The following TMEM150A variants were observed in gnomAD, a reference collection of about 807,000 sequenced individuals.
TMEM150A encodes the protein fasting-inducible integral membrane protein TM6P1.
In TMEM150A, 18 loss-of-function variants were observed where a neutral mutation model predicts 29.8. The observed-to-expected ratio is 0.60, with a 90% CI of 0.42 to 0.90. TMEM150A has a LOEUF of 0.90. Among genes scored for constraint, TMEM150A ranks in the 40% least tolerant of loss-of-function variants. TMEM150A has a pLI of 0.00. For missense variants in TMEM150A, 251 were observed against 349.7 expected (o/e 0.72, Z 2.25); for synonymous variants, 127 against 143.6 (o/e 0.88, Z 0.83).
chr2:85,600,040 G>A (rs747122251), intron 5 of TMEM150A, 22 bp from the exon 6 acceptor site: 3 of 1,610,312 alleles, frequency 1.9e-6, no homozygotes, highest in Non-Finnish European at 2.5e-6. Context: ...GAGCACAGTT[G>A]AGGCCTTCCT....
At position 85,602,062 on chromosome 2, in the gene TMEM150A, G is replaced by A; in HGVS notation, c.-114C>T. The A allele has an allele frequency of 1.1e-6, 1 of 946,318 alleles. No homozygotes were observed. Among genetic ancestry groups the A allele is most frequent in the Non-Finnish European group, 1.7e-6 (1 of 586,880 alleles). The allele number at this position is 946,318 out of a possible 1,614,324, so 58.6% of individuals were successfully genotyped here. ...TTCTGCCACAACCATCAGCTGTCCT[G>A]GCCTGGTGGAGAGAGATCAAAGTCC... On this transcript the variant is annotated splice_region_variant and 5_prime_UTR_variant, in exon 2 of 8. Transcript: ENST00000334462. This position sits in a 1 kb window ranked among gnomAD's most constrained non-coding sequence, Gnocchi z 5.6.
At position 85,601,803 on chromosome 2, in the gene TMEM150A, C is replaced by T; in HGVS notation, c.65+81G>A. 1 of 1,514,070 alleles carries T rather than the reference C, an allele frequency of 6.6e-7. No individual in the cohort carries two copies. The allele number at this position is 1,514,070 out of a possible 1,614,324, so 93.8% of individuals were successfully genotyped here. The stretch of plus-strand genomic sequence containing the variant: ...GAGACACCCAGAGTGACCCTGGGTA[C>T]CACCGTGGCTATGACAGGACAAGAG... On this transcript the variant is annotated intron_variant, in intron 2 of 7. Coordinates refer to ENST00000334462, the MANE Select transcript of TMEM150A (RefSeq NM_001031738.3). This position sits in a 1 kb window ranked among gnomAD's most constrained non-coding sequence, Gnocchi z 4.0.
Position 85,599,905 on chromosome 2 carries a change from C to A in TMEM150A, c.382G>T (p.Val128Phe), listed in dbSNP as rs758454559. 7.4e-6 allele frequency: 12 copies of A among 1,613,336 alleles called. No individual in the cohort carries two copies. Among genetic ancestry groups the A allele is most frequent in the African/African-American group, 2.7e-5 (2 of 74,918 alleles). ...GCTNAAGLLV[V>F]GNFQVDHARS... ...AGGGGAAGCACCTGAAAGTTGCCAACCACCAAGAGGCCCGCAGCGTTGGTG... is the reference window on the plus strand; with the variant it reads ...AGGGGAAGCACCTGAAAGTTGCCAAACACCAAGAGGCCCGCAGCGTTGGTG... The change falls in exon 6 of 8, where the codon GTT becomes TTT. Residue 128 changes from valine (V) to phenylalanine (F), a missense_variant. Physicochemically the swap from Val to Phe is conservative, Grantham distance 50. Transcript: ENST00000334462. This position sits in a 1 kb window ranked among gnomAD's most constrained non-coding sequence, Gnocchi z 6.0.
rs1188940411 is a variant in TMEM150A at position 85,601,788 on chromosome 2, G to C, written c.65+96C>G. 1 of 1,432,714 alleles carries C rather than the reference G, an allele frequency of 7.0e-7. No homozygotes were observed. The highest frequency in any genetic ancestry group is 1.4e-5 in the African/African-American group (1 of 71,314). The allele number at this position is 1,432,714 out of a possible 1,614,324, so 88.8% of individuals were successfully genotyped here. ...CCAAGTCAGGCTTTTGAGACACCCA[G>C]AGTGACCCTGGGTACCACCGTGGCT... is the stretch of plus-strand genomic sequence containing the variant. On this transcript the variant is annotated intron_variant, in intron 2 of 7. Transcript: ENST00000334462. The surrounding 1 kb of genome is among the most constrained non-coding windows in gnomAD (Gnocchi z 4.0).
chr2:85,602,398 G>A lies in TMEM150A; in HGVS notation c.-117+209C>T. On this transcript the variant is annotated intron_variant, in intron 1 of 7. Transcript: ENST00000334462. The surrounding 1 kb of genome is among the most constrained non-coding windows in gnomAD (Gnocchi z 5.6). ...CCCAGTGGAGCGGTGGCGAGTCGGC[G>A]GCGCGCAGGCAACCACCTGACCATC... 1 of 153,000 alleles carries A rather than the reference G, an allele frequency of 6.5e-6. No homozygotes were observed. Among genetic ancestry groups the A allele is most frequent in the Non-Finnish European group, 1.5e-5 (1 of 68,460 alleles). The allele number at this position is 153,000 out of a possible 1,614,324, so 9.5% of individuals were successfully genotyped here.
chr2:85,601,211 A>G lies in TMEM150A; in HGVS notation c.114-104T>C, dbSNP rs545332653. On this transcript the variant is annotated intron_variant, in intron 3 of 7. Coordinates refer to ENST00000334462, the MANE Select transcript of TMEM150A (RefSeq NM_001031738.3). This position sits in a 1 kb window ranked among gnomAD's most constrained non-coding sequence, Gnocchi z 4.0. ...GGACTCTCTCCCAGACCTCCCCTAC[A>G]GGGACAGAAGATCCCACTCCCCAGT... The G allele has an allele frequency of 5.4e-6, 7 of 1,297,722 alleles. No homozygotes were observed. The African/African-American group carries it at 1.0e-4, about 19-fold the overall frequency. The allele number at this position is 1,297,722 out of a possible 1,614,324, so 80.4% of individuals were successfully genotyped here. A position where few individuals can be genotyped will look rare whatever the true frequency, so the allele number is the denominator to read the frequency against.
chr2:85,599,765 A>G lies in TMEM150A; in HGVS notation c.397-63T>C. On this transcript the variant is annotated intron_variant, in intron 6 of 7. Transcript: ENST00000334462. This position sits in a 1 kb window ranked among gnomAD's most constrained non-coding sequence, Gnocchi z 6.0. ...GGCCCCACCTCTCCACCCCTCCTTC[A>G]ATGAATCTCCTCTCTCCCTCTTCCT... 6.3e-7 allele frequency: 1 copy of G among 1,591,622 alleles called. No individual in the cohort carries two copies.
In TMEM150A at chr2:85,599,732, G is replaced by A. The variant is rs180709903; in HGVS notation, c.397-30C>T. On this transcript the variant is annotated intron_variant, in intron 6 of 7. Coordinates refer to ENST00000334462, the MANE Select transcript of TMEM150A (RefSeq NM_001031738.3). This position sits in a 1 kb window ranked among gnomAD's most constrained non-coding sequence, Gnocchi z 6.0. Reference sequence around the variant, plus strand: ...GCCCAGAGAAGGGCCAGTTGGTGATGTGGCCATGGCCCCACCTCTCCACCC... The same window carrying A: ...GCCCAGAGAAGGGCCAGTTGGTGATATGGCCATGGCCCCACCTCTCCACCC... The A allele has an allele frequency of 1.7e-5, 28 of 1,605,490 alleles. No individual in the cohort carries two copies. The East Asian group carries it at 4.9e-4, about 28-fold the overall frequency.
chr2:85,601,250 A>G lies in TMEM150A; in HGVS notation c.114-143T>C. On this transcript the variant is annotated intron_variant, in intron 3 of 7. Coordinates refer to ENST00000334462, the MANE Select transcript of TMEM150A (RefSeq NM_001031738.3). This position sits in a 1 kb window ranked among gnomAD's most constrained non-coding sequence, Gnocchi z 4.0. ...CCACTCCCCAGTGCCCGCCTGAAGC[A>G]GTAACCAAAGGGGCAAAGGGATAGT... The G allele has an allele frequency of 1.7e-6, 2 of 1,174,364 alleles. No individual in the cohort carries two copies. The highest frequency in any genetic ancestry group is 1.9e-5 in the Admixed American group (1 of 53,954). The allele number at this position is 1,174,364 out of a possible 1,614,324, so 72.7% of individuals were successfully genotyped here.
In TMEM150A at chr2:85,601,910, CGCTGACAG is replaced by C; in HGVS notation, c.31_38del (p.Leu11ValfsTer34). The C allele has an allele frequency of 8.1e-6, 13 of 1,613,980 alleles. No individual in the cohort carries two copies. Among genetic ancestry groups the C allele is most frequent in the African/African-American group, 1.3e-5 (1 of 75,028 alleles). On this transcript the variant is annotated frameshift_variant, in exon 2 of 8. Transcript: ENST00000334462. LOFTEE classifies it high-confidence loss of function. The surrounding 1 kb of genome is among the most constrained non-coding windows in gnomAD (Gnocchi z 4.0). ...CAGTCCATATGCCAGTGATGGAGAA[CGCTGACAG>C]GCTGACAGGCAGGAGGATCCAGGCG...
rs754160073 is a variant in TMEM150A, at chr2:85,600,399, A to G, written c.214T>C (p.Tyr72His). The G allele has an allele frequency of 6.2e-7, 1 of 1,613,948 alleles. No individual in the cohort carries two copies. Among genetic ancestry groups the G allele is most frequent in the Admixed American group, 1.7e-5 (1 of 60,028 alleles). Residue 72 changes from tyrosine (Y) to histidine (H), a missense_variant, in exon 5 of 8, where the codon TAT becomes CAT. Physicochemically the swap from Tyr to His is moderately conservative, Grantham distance 83. Transcript: ENST00000334462. ...CTGAAGAGGCAGCTTTCTGGGGGAT[A>G]GGAGCCACACTTGCTGCGAGGAGGG... ...DVPLISKCGSYPPESCLFSLI... is the reference protein window; with the variant it reads ...DVPLISKCGSHPPESCLFSLI...
At chr2:85,600,169 T>C in intron 5 of TMEM150A, 151 bp from the exon 6 acceptor site, 1 of 1,327,638 alleles carries the variant, frequency 7.5e-7, no homozygotes, top group South Asian at 1.4e-5. Context: ...TTCCTCAGGC[T>C]CCAGCCAGCA....
chr2:85,600,353 G>A lies in TMEM150A; in HGVS notation c.260C>T (p.Ala87Val), dbSNP rs1451305240. The change falls in exon 5 of 8, where the codon GCT becomes GTT. Residue 87 changes from alanine to valine, a missense_variant. Transcript: ENST00000334462. ...CTAAGGGTACAACTCACCCATGAAA[G>A]CACCCATGTTGCCAATGAGGCTGAA... ...CLFSLIGNMGAFMVALICLLR... is the reference protein window; with the variant it reads ...CLFSLIGNMGVFMVALICLLR... The A allele has an allele frequency of 6.2e-7, 1 of 1,613,978 alleles. No homozygotes were observed. The highest frequency in any genetic ancestry group is 8.5e-7 in the Non-Finnish European group (1 of 1,179,972).
At position 85,601,710 on chromosome 2, in the gene TMEM150A, C is replaced by T; in HGVS notation, c.65+174G>A. On this transcript the variant is annotated intron_variant, in intron 2 of 7. Transcript: ENST00000334462. This position sits in a 1 kb window ranked among gnomAD's most constrained non-coding sequence, Gnocchi z 4.0. ...CTAGAAGTATATTTGTCAGGGCCAC[C>T]CTGCTGGACAGCAGTGGTGCCAGCT... 2 of 899,534 alleles carry T rather than the reference C, an allele frequency of 2.2e-6. No homozygotes were observed. Among genetic ancestry groups the T allele is most frequent in the Non-Finnish European group, 3.5e-6 (2 of 567,900 alleles). 55.7% of individuals were successfully genotyped at this position (899,534 alleles called of 1,614,324 possible).
intron 5 of TMEM150A, 79 bp from the exon 6 acceptor site, chr2:85,600,097 T>C (rs1004296214): frequency 7.0e-6 from 11 of 1,574,772 alleles, no homozygotes; most frequent in Non-Finnish European, 7.8e-6. Flanking sequence ...CCCCAGACGC[T>C]GTGGTGCTCC....
rs961944455 is a variant in TMEM150A at position 85,601,160 on chromosome 2, T to G, written c.114-53A>C. ...GGGGAAGGGACTGCCCCCAGGCCCT[T>G]GGCCTATAGCCTCAGGCCTCAAAGA... On this transcript the variant is annotated intron_variant, in intron 3 of 7. Transcript: ENST00000334462. The surrounding 1 kb of genome is among the most constrained non-coding windows in gnomAD (Gnocchi z 4.0). The G allele has an allele frequency of 3.8e-6, 6 of 1,572,128 alleles. No homozygotes were observed. The Admixed American group carries it at 8.9e-5, about 23-fold the overall frequency.
In TMEM150A at chr2:85,598,918, C is replaced by T. The variant is rs182093286; in HGVS notation, c.*158G>A. The T allele has an allele frequency of 5.6e-5, 63 of 1,115,160 alleles. No homozygotes were observed. The African/African-American group carries it at 7.7e-4, about 14-fold the overall frequency. The allele number at this position is 1,115,160 out of a possible 1,614,324, so 69.1% of individuals were successfully genotyped here. On this transcript the variant is annotated 3_prime_UTR_variant, in exon 8 of 8. Coordinates refer to ENST00000334462, the MANE Select transcript of TMEM150A (RefSeq NM_001031738.3). ...TGGCAGCTGGCAGGGCCCACTCCTC[C>T]ATGGCACAGGTGGGCATGGGATGGC...
Position 85,599,203 on chromosome 2 carries a change from C to A in TMEM150A, c.689G>T (p.Gly230Val), listed in dbSNP as rs941612293. The change falls in exon 8 of 8, where the codon GGG (glycine) becomes GTG (valine). Residue 230 changes from glycine to valine, a missense_variant. Transcript: ENST00000334462. The surrounding 1 kb of genome is among the most constrained non-coding windows in gnomAD (Gnocchi z 6.0). ...CACCAGTGTGTCTGAGGAGACTGCCCCAAACTCGTAGCTGAAGGTGCCATA... is the reference window on the plus strand; with the variant it reads ...CACCAGTGTGTCTGAGGAGACTGCCACAAACTCGTAGCTGAAGGTGCCATA... ...IFYGTFSYEF[G>V]AVSSDTLVAA... The A allele has an allele frequency of 3.7e-6, 6 of 1,613,576 alleles. No homozygotes were observed. The East Asian group carries it at 8.9e-5, about 24-fold the overall frequency.
intron 5 of TMEM150A, 26 bp from the exon 6 acceptor site, chr2:85,600,044 C>A: frequency 1.2e-6 from 2 of 1,609,636 alleles, no homozygotes; most frequent in South Asian, 2.2e-5. Context: ...ACAGTTGAGG[C>A]CTTCCTCCAG....
Sources: gnomAD v4.1 joint callset for allele counts on GRCh38, gnomAD v4.1.1 for gene constraint, Gnocchi (gnomAD v3.1) non-coding constraint, MANE v1.5 for transcripts, NCBI Gene and HGNC (gene_info 2026-07-23, HGNC 2026-07-21) for gene names.